Variants in IGHMBP2 observed in about 807,000 individuals in gnomAD.
The protein encoded by IGHMBP2 is immunoglobulin mu DNA binding protein 2, also known as DNA-binding protein SMUBP-2.
IGHMBP2 carries 81 observed loss-of-function variants against 96.0 expected under a neutral mutation model. The ratio of observed to expected loss-of-function variants is 0.84; its 90% confidence interval spans 0.71 to 1.01. The LOEUF is 1.01. Ranked by LOEUF, IGHMBP2 falls within the 50% of genes least tolerant of loss-of-function variation. The pLI is 0.00. For synonymous variants in IGHMBP2, 557 were observed against 548.9 expected (o/e 1.01, Z -0.21); for missense variants, 1,227 against 1,306.3 (o/e 0.94, Z 0.94).
intron 7 of IGHMBP2, among the ~76,000 whole-genome samples, chr11:68,920,752 A>G (rs1483226723): frequency 6.6e-6 from 1 of 151,728 alleles, no homozygotes; most frequent in Non-Finnish European, 1.5e-5. Flanking sequence ...CCACAGTGCT[A>G]GGATTACAAG....
At chr11:68,922,465 G>A (rs996544690) in intron 7 of IGHMBP2, among the ~76,000 whole-genome samples, 1 of 151,726 alleles carries the variant, frequency 6.6e-6, no homozygotes, top group Non-Finnish European at 1.5e-5. Flanking sequence ...GCGCAATCTT[G>A]GCTCACTGCA....
At chr11:68,937,208 C>G (rs552146307) in intron 13 of IGHMBP2, 117 bp downstream of exon 13, 1 of 1,310,250 alleles carries the variant, frequency 7.6e-7, no homozygotes, top group Admixed American at 1.8e-5. Context: ...GCACCGTGCC[C>G]GTGTCATTTT....
At chr11:68,911,317 C>T (rs1309849156) in intron 4 of IGHMBP2, 123 bp from the exon 5 acceptor site, 2 of 930,450 alleles carry the variant, frequency 2.1e-6, no homozygotes, top group East Asian at 2.6e-5. Flanking sequence ...TGGGTTGCCC[C>T]TGGGGAGGTC....
intron 8 of IGHMBP2, chr11:68,929,741 T>A (rs1189153417): frequency 1.4e-5 from 14 of 985,236 alleles, no homozygotes; most frequent in Non-Finnish European, 1.4e-5. Context: ...TAGTCTTCAA[T>A]CTGTAGACAC....
chr11:68,937,563 G>C (rs1039903491), intron 13 of IGHMBP2, among the ~76,000 whole-genome samples: 27 of 152,258 alleles, frequency 1.8e-4, no homozygotes, highest in African/African-American at 6.3e-4. Flanking sequence ...CTTGGGCCAT[G>C]TGGAGTCCCT....
At chr11:68,923,067 T>G (rs960086939) in intron 7 of IGHMBP2, among the ~76,000 whole-genome samples, 2 of 152,358 alleles carry the variant, frequency 1.3e-5, no homozygotes, top group Middle Eastern at 3.4e-3. Context: ...GATGAACTGT[T>G]CCCCTTGAGT....
At chr11:68,908,653 T>C (rs1858299010) in intron 4 of IGHMBP2, 22 bp downstream of exon 4, 3 of 1,548,830 alleles carry the variant, frequency 1.9e-6, no homozygotes, top group South Asian at 1.1e-5. Context: ...TGAGTTTTCT[T>C]TTTTGGTTGA....
In IGHMBP2 at chr11:68,939,624, G is replaced by A. The variant is rs199574747; in HGVS notation, c.2875G>A (p.Gly959Arg). 23 of 1,613,424 alleles carry A rather than the reference G, an allele frequency of 1.4e-5. No homozygotes were observed. The highest frequency in any genetic ancestry group is 5.5e-5 in the South Asian group (5 of 91,060). ...CTATGCCGGCAGCGGGACCAAGAAC[G>A]GATCCCTGGACCCAGCCAAGAGGGC... is the stretch of plus-strand genomic sequence containing the variant. Reference protein sequence around the residue: ...VLYAGSGTKNGSLDPAKRAQL... With the variant: ...VLYAGSGTKNRSLDPAKRAQL... Residue 959 changes from glycine (G) to arginine (R), a missense_variant, in exon 15 of 15, where the codon GGA (glycine) becomes AGA (arginine). By Grantham distance (125) the Gly-to-Arg change is moderately radical (BLOSUM62 -2). Around this residue, in one of 3 missense-constraint regions of IGHMBP2, gnomAD observed 703 missense variants for 770.3 expected, o/e 0.91. Transcript: ENST00000255078.
At chr11:68,909,166 T>G (rs1239367401) in intron 4 of IGHMBP2, among the ~76,000 whole-genome samples, 1 of 100,370 alleles carries the variant, frequency 1.0e-5, no homozygotes, top group Admixed American at 1.1e-4. Context: ...TTAAAAAAAT[T>G]TTTTTTTGGC....
At chr11:68,935,005 A>G (rs913051432) in intron 11 of IGHMBP2, among the ~76,000 whole-genome samples, 2 of 152,176 alleles carry the variant, frequency 1.3e-5, no homozygotes, top group African/African-American at 4.8e-5. Flanking sequence ...GGATCTGTGG[A>G]AGTGGCCATC....
In IGHMBP2 at chr11:68,904,006, G is replaced by T. The variant is rs1263848790; in HGVS notation, c.54G>T (p.Glu18Asp). 5 of 1,550,580 alleles carry T rather than the reference G, an allele frequency of 3.2e-6. No individual in the cohort carries two copies. The Admixed American group carries it at 9.8e-5, about 30-fold the overall frequency. Residue 18 changes from glutamate to aspartate, a missense_variant, in exon 1 of 15, where the codon GAG (glutamate) becomes GAT (aspartate). Physicochemically the swap from Glu to Asp is conservative, Grantham distance 45. This residue lies in a region of IGHMBP2 where 507 missense variants were observed against 496.9 expected (regional missense o/e 1.02). Coordinates refer to ENST00000255078, the MANE Select transcript of IGHMBP2 (RefSeq NM_002180.3). ...TGACCAAGCAACTGGACCTGCTGGA[G>T]CTTGAGAGAGACGCGGAGGTGGAGG... ...SFVTKQLDLLELERDAEVEER... is the reference protein window; with the variant it reads ...SFVTKQLDLLDLERDAEVEER...
In IGHMBP2 at chr11:68,921,855, T is replaced by G. The variant is rs77825072; in HGVS notation, c.1060+3972T>G. 5.1e-3 allele frequency among the ~76,000 whole-genome samples: 779 copies of G among 152,332 alleles called. 4 individuals are homozygous for G. The highest frequency in any genetic ancestry group is 8.8e-3 in the Admixed American group (134 of 15,300). On this transcript the variant is annotated intron_variant, in intron 7 of 14. Transcript: ENST00000255078. ...AGCTTTTGTATGTCTGAAAATATCT[T>G]GTTTCACCTGCAGTTTTGAAAGATA... is the stretch of plus-strand genomic sequence containing the variant.
Position 68,930,159 on chromosome 11 carries a change from G to A in IGHMBP2, c.1235+802G>A, listed in dbSNP as rs944975700. ...GAGGCCTGTGAACAGGGCCTGGCAC[G>A]TGGGCTGTCCTTGGACAAGTCCCTG... is the stretch of plus-strand genomic sequence containing the variant. On this transcript the variant is annotated intron_variant, in intron 8 of 14. Coordinates refer to ENST00000255078, the MANE Select transcript of IGHMBP2 (RefSeq NM_002180.3). 2.1e-5 allele frequency: 25 copies of A among 1,205,312 alleles called. No individual in the cohort carries two copies. The African/African-American group carries it at 2.7e-4, about 13-fold the overall frequency. 74.7% of individuals were successfully genotyped at this position (1,205,312 alleles called of 1,614,324 possible).
In IGHMBP2 at chr11:68,911,562, G is replaced by A; in HGVS notation, c.670G>A (p.Val224Met). 1 of 1,614,224 alleles carries A rather than the reference G, an allele frequency of 6.2e-7. No individual in the cohort carries two copies. The highest frequency in any genetic ancestry group is 8.5e-7 in the Non-Finnish European group (1 of 1,180,044). Residue 224 changes from valine to methionine, a missense_variant, in exon 5 of 15, where the codon GTG becomes ATG. This residue lies in a region of IGHMBP2 where 507 missense variants were observed against 496.9 expected (regional missense o/e 1.02). Coordinates refer to ENST00000255078, the MANE Select transcript of IGHMBP2 (RefSeq NM_002180.3). ...GPPGTGKTTT[V>M]VEIILQAVKQ... ...TCCTGGCACTGGGAAAACCACGACT[G>A]TGGTTGAGATCATTCTTCAAGCTGT...
intron 7 of IGHMBP2, among the ~76,000 whole-genome samples, chr11:68,918,832 A>G (rs867362432): frequency 3.8e-4 from 58 of 152,290 alleles, no homozygotes; most frequent in African/African-American, 1.3e-3. Context: ...TGATCTTCCC[A>G]AAGAACCAGC....
intron 1 of IGHMBP2, among the ~76,000 whole-genome samples, chr11:68,905,652 C>T (rs1344679068): frequency 1.3e-5 from 2 of 152,204 alleles, no homozygotes; most frequent in African/African-American, 2.4e-5. Flanking sequence ...CTTGGGTCTC[C>T]TGCTTTTGAT....
intron 7 of IGHMBP2, among the ~76,000 whole-genome samples, chr11:68,925,868 G>A (rs577648722): frequency 6.6e-6 from 1 of 152,284 alleles, no homozygotes; most frequent in African/African-American, 2.4e-5. Flanking sequence ...CTGCTTTCAA[G>A]TGTCGTCTTT....
intron 13 of IGHMBP2, 144 bp downstream of exon 13, chr11:68,937,235 A>G (rs1164645856): frequency 2.6e-5 from 28 of 1,064,872 alleles, no homozygotes; most frequent in Non-Finnish European, 3.3e-5. Context: ...ATTTTCAGTC[A>G]TGCCACTCCC....
In IGHMBP2 at chr11:68,939,537, C is replaced by T. The variant is rs954408260; in HGVS notation, c.2788C>T (p.His930Tyr). ...YCLSHHLPEI[H>Y]GCGERARAHA... Reference sequence around the variant, plus strand: ...GTGATTCTTGTGTCCTCCCCAGATCCATGGCTGCGGTGAGAGGGCTCGCGC... The same window carrying T: ...GTGATTCTTGTGTCCTCCCCAGATCTATGGCTGCGGTGAGAGGGCTCGCGC... Residue 930 changes from histidine to tyrosine, a missense_variant, in exon 15 of 15, where the codon CAT becomes TAT. Transcript: ENST00000255078. 1.2e-6 allele frequency: 2 copies of T among 1,611,806 alleles called. No homozygotes were observed. The highest frequency in any genetic ancestry group is 1.7e-6 in the Non-Finnish European group (2 of 1,180,012).
Sources: gnomAD v4.1 joint callset for allele counts (sites outside exome capture counted in the v4.1 genomes callset) on GRCh38, gnomAD v4.1.1 for gene constraint, gnomAD v4.1.1 regional missense constraint, MANE v1.5 for transcripts, NCBI Gene and HGNC (gene_info 2026-07-23, HGNC 2026-07-21) for gene names.